The following TTLL10 variants were observed in gnomAD, a reference collection of about 807,000 sequenced individuals.
The protein encoded by TTLL10 is inactive polyglycylase TTLL10.
A neutral mutation model predicts 69.0 loss-of-function variants in TTLL10; 61 were observed. The observed-to-expected ratio is 0.88, with a 90% CI of 0.72 to 1.09. The LOEUF (loss-of-function observed/expected upper bound fraction) is 1.09. Ranked by LOEUF, TTLL10 falls within the 50% of genes least tolerant of loss-of-function variation. TTLL10 has a pLI of 0.00. For missense variants in TTLL10, 962 were observed against 945.9 expected (o/e 1.02, Z -0.22); for synonymous variants, 408 against 393.3 (o/e 1.04, Z -0.44).
intron 13 of TTLL10, among the ~76,000 whole-genome samples, chr1:1,186,852 T>G (rs915524696): frequency 5.3e-5 from 6 of 114,018 alleles, no homozygotes; most frequent in East Asian, 1.1e-3. Flanking sequence ...TGTTTTTTGT[T>G]TTTTTTTTTT....
At chr1:1,187,453 A>C (rs1442200049) in intron 13 of TTLL10, among the ~76,000 whole-genome samples, 1 of 151,942 alleles carries the variant, frequency 6.6e-6, no homozygotes, top group Non-Finnish European at 1.5e-5. Context: ...AATATGGTGA[A>C]ACCCCATCTC....
chr1:1,190,173 A>G (rs10907174), intron 13 of TTLL10, among the ~76,000 whole-genome samples: 1 of 150,746 alleles, frequency 6.6e-6, no homozygotes, highest in African/African-American at 2.4e-5. Flanking sequence ...TTAGTGTACA[A>G]AGTATTCCCT....
At chr1:1,191,941 C>T (rs934350312) in intron 13 of TTLL10, among the ~76,000 whole-genome samples, 7 of 152,270 alleles carry the variant, frequency 4.6e-5, no homozygotes, top group East Asian at 1.9e-4. Context: ...AGCGGTTTTC[C>T]GCCCTGGGCG....
Position 1,180,743 on chromosome 1 carries a change from T to C in TTLL10, c.638T>C (p.Leu213Pro), listed in dbSNP as rs1647031340. Residue 213 changes from leucine (L) to proline (P), a missense_variant, in exon 8 of 16, where the codon CTG (leucine) becomes CCG (proline). Transcript: ENST00000379289. ...YGSFREGEQL[L>P]YQLPNNKLLT... ...CTCTGACCTCCAGGAGAGCAGCTGC[T>C]GTACCAGCTTCCCAACAACAAGCTC... is the stretch of plus-strand genomic sequence containing the variant. The C allele has an allele frequency of 3.1e-6, 5 of 1,607,322 alleles. No homozygotes were observed. The highest frequency in any genetic ancestry group is 4.2e-6 in the Non-Finnish European group (5 of 1,177,374).
chr1:1,196,835 T>G, intron 14 of TTLL10, 119 bp downstream of exon 14: 1 of 824,128 alleles, frequency 1.2e-6, no homozygotes, highest in South Asian at 1.5e-5. Context: ...CCACCCTGCC[T>G]GCATGCAGCC....
chr1:1,188,237 T>C (rs1647487865), intron 13 of TTLL10, among the ~76,000 whole-genome samples: 1 of 150,268 alleles, frequency 6.7e-6, no homozygotes, highest in Admixed American at 6.6e-5. Flanking sequence ...TACCACATGG[T>C]TTTGATTGCT....
intron 7 of TTLL10, 45 bp downstream of exon 7, chr1:1,180,646 C>T: frequency 6.4e-7 from 1 of 1,553,560 alleles, no homozygotes; most frequent in East Asian, 2.4e-5. Flanking sequence ...CAGGGGCCTC[C>T]TGGGCCGGAG....
intron 3 of TTLL10, among the ~76,000 whole-genome samples, chr1:1,178,553 C>T (rs1646941884): frequency 6.7e-6 from 1 of 150,102 alleles, no homozygotes; most frequent in South Asian, 2.1e-4. Context: ...AAGAATGAAG[C>T]TCCGTCTCAA....
chr1:1,186,940 G>A (rs558422270), intron 13 of TTLL10, among the ~76,000 whole-genome samples: 80 of 150,810 alleles, frequency 5.3e-4, no homozygotes, highest in African/African-American at 1.7e-3. Context: ...TCCGCCTCCC[G>A]GGTTCACGCC....
In TTLL10 at chr1:1,185,231, C is replaced by A; in HGVS notation, c.1401+122C>A. ...CGTGGGCGGCTGCGCTGAAGTGTGA[C>A]CTGACCGTGTGGAACCAAACCCTTC... is the stretch of plus-strand genomic sequence containing the variant. On this transcript the variant is annotated intron_variant, in intron 13 of 15. Transcript: ENST00000379289. The surrounding 1 kb of genome is among the most constrained non-coding windows in gnomAD (Gnocchi z 6.1). The A allele has an allele frequency of 1.3e-6, 2 of 1,496,900 alleles. No individual in the cohort carries two copies. The highest frequency in any genetic ancestry group is 2.4e-5 in the Admixed American group (1 of 42,324). 92.7% of individuals were successfully genotyped at this position (1,496,900 alleles called of 1,614,324 possible).
chr1:1,188,817 G>T (rs942665156), intron 13 of TTLL10, among the ~76,000 whole-genome samples: 1 of 152,138 alleles, frequency 6.6e-6, no homozygotes, highest in African/African-American at 2.4e-5. Flanking sequence ...CATTTTTCTA[G>T]GTCTTCTTCC....
chr1:1,185,788 CCA>C lies in TTLL10; in HGVS notation c.1401+680_1401+681del, dbSNP rs1040917144. 63 of 985,468 alleles carry C rather than the reference CCA, an allele frequency of 6.4e-5. No homozygotes were observed. The African/African-American group carries it at 1.0e-3, about 16-fold the overall frequency. The allele number at this position is 985,468 out of a possible 1,614,324, so 61.0% of individuals were successfully genotyped here. On this transcript the variant is annotated intron_variant, in intron 13 of 15. Transcript: ENST00000379289. This position sits in a 1 kb window ranked among gnomAD's most constrained non-coding sequence, Gnocchi z 6.1. ...GGGACGGCAGCGCTCAGAGGAGCCT[CCA>C]GTTACTTTCCTCACATCTCCCAAAC...
In TTLL10 at chr1:1,196,650, G is replaced by A; in HGVS notation, c.1452G>A (p.Lys484=). The A allele has an allele frequency of 6.4e-7, 1 of 1,551,974 alleles. No individual in the cohort carries two copies. The highest frequency in any genetic ancestry group is 8.7e-7 in the Non-Finnish European group (1 of 1,147,012). Residue 484 remains lysine, a synonymous_variant, in exon 14 of 16, where the codon AAG becomes AAA. Transcript: ENST00000379289. ...MAHCFLAAKP[K]LDCKLGYFDL... ...ACTGCTTTCTGGCCGCCAAGCCCAA[G>A]CTGGACTGCAAGCTGGGTTACTTTG... is the stretch of plus-strand genomic sequence containing the variant.
chr1:1,184,220 G>A (rs1557483168), intron 12 of TTLL10, 129 bp downstream of exon 12: 2 of 1,340,332 alleles, frequency 1.5e-6, no homozygotes, highest in East Asian at 4.6e-5. Context: ...AGGTGTCTCA[G>A]GCCTGGAAGT....
chr1:1,183,842 C>G, intron 11 of TTLL10, 78 bp from the exon 12 acceptor site: 1 of 1,573,388 alleles, frequency 6.4e-7, no homozygotes, highest in South Asian at 1.1e-5. Context: ...ATGGAACAGG[C>G]CCGGGGTGGG....
chr1:1,188,873 A>G (rs985646962), intron 13 of TTLL10, among the ~76,000 whole-genome samples: 1 of 152,210 alleles, frequency 6.6e-6, no homozygotes, highest in Non-Finnish European at 1.5e-5. Flanking sequence ...CAAGTCTGTC[A>G]CCTACGGTAA....
chr1:1,184,103 A>G lies in TTLL10; in HGVS notation c.1260+12A>G, dbSNP rs1054563610. The G allele has an allele frequency of 3.1e-6, 5 of 1,613,996 alleles. No individual in the cohort carries two copies. The highest frequency in any genetic ancestry group is 2.2e-5 in the East Asian group (1 of 44,904). ...ACTTGACCAACCAGGTGAGTCTGCC[A>G]TGGGTGAGGGCCCTCCCTGCAGCCT... On this transcript the variant is annotated intron_variant, in intron 12 of 15. Transcript: ENST00000379289.
In TTLL10 at chr1:1,196,563, C is replaced by G. The variant is rs192368296; in HGVS notation, c.1402-37C>G. 3.2e-4 allele frequency: 476 copies of G among 1,489,358 alleles called. 1 individual carries two copies. In the African/African-American group the frequency reaches 6.0e-3, roughly 19 times the overall value. The allele number at this position is 1,489,358 out of a possible 1,614,324, so 92.3% of individuals were successfully genotyped here. A position where few individuals can be genotyped will look rare whatever the true frequency, so the allele number is the denominator to read the frequency against. On this transcript the variant is annotated intron_variant, in intron 13 of 15. Coordinates refer to ENST00000379289, the MANE Select transcript of TTLL10 (RefSeq NM_001130045.2). ...AGACCTGGGGTGTGATCAGGGCCTACGGGCCGCAGCCAGGATGCCTCCCTG... is the reference window on the plus strand; with the variant it reads ...AGACCTGGGGTGTGATCAGGGCCTAGGGGCCGCAGCCAGGATGCCTCCCTG...
Position 1,178,133 on chromosome 1 carries a change from G to A in TTLL10, c.-27-1056G>A, listed in dbSNP as rs1047534799. On this transcript the variant is annotated intron_variant, in intron 3 of 15. Coordinates refer to ENST00000379289, the MANE Select transcript of TTLL10 (RefSeq NM_001130045.2). The stretch of plus-strand genomic sequence containing the variant: ...CAAAGGCTTCCTGCGGGTGAGATTG[G>A]TGCCGAGCTCTGTGCCCAGCCTGGA... Among the ~76,000 whole-genome samples the A allele has an allele frequency of 2.0e-5, 3 of 152,148 alleles. No individual in the cohort carries two copies. The South Asian group carries it at 6.2e-4, about 31-fold the overall frequency.
Sources: gnomAD v4.1 joint callset for allele counts (sites outside exome capture counted in the v4.1 genomes callset) on GRCh38, gnomAD v4.1.1 for gene constraint, Gnocchi (gnomAD v3.1) non-coding constraint, MANE v1.5 for transcripts, NCBI Gene and HGNC (gene_info 2026-07-23, HGNC 2026-07-21) for gene names.